COL4A4: variants seen among roughly 807,000 people sequenced by gnomAD.
COL4A4 encodes the protein collagen alpha-4(IV) chain.
Under a neutral mutation model 192.9 loss-of-function variants are expected in COL4A4, and 105 were observed. The observed-to-expected ratio is 0.54, with a 90% CI of 0.46 to 0.64. COL4A4 has a LOEUF of 0.64. COL4A4 is among the 30% of genes least tolerant of loss of function. The probability of loss-of-function intolerance (pLI) is 0.00; values close to 1 mark genes in which losing one functional copy is unlikely to be tolerated. For missense variants in COL4A4, 1,967 were observed against 2,169.3 expected (o/e 0.91, Z 1.85); for synonymous variants, 762 against 769.9 (o/e 0.99, Z 0.17).
At chr2:227,029,939 C>G (rs896505418) in intron 41 of COL4A4, among the ~76,000 whole-genome samples, 3 of 152,150 alleles carry the variant, frequency 2.0e-5, no homozygotes, top group African/African-American at 7.2e-5. Context: ...GCCAGTCCAA[C>G]CTGAGCTGTG....
At chr2:227,077,740 A>T (rs2059109421) in intron 25 of COL4A4, among the ~76,000 whole-genome samples, 154 bp downstream of exon 25, 1 of 151,818 alleles carries the variant, frequency 6.6e-6, no homozygotes, top group Admixed American at 6.6e-5. Context: ...GGGTCTAGGG[A>T]TACAAAAATC....
At chr2:227,098,645 T>C (rs1372933514) in intron 19 of COL4A4, 49 bp downstream of exon 19, 1 of 1,386,094 alleles carries the variant, frequency 7.2e-7, no homozygotes, top group Admixed American at 1.7e-5. Context: ...CTGATGATGA[T>C]GCAGGAAATC....
At position 227,094,237 on chromosome 2, in the gene COL4A4, T is replaced by A; in HGVS notation, c.1257A>T (p.Pro419=). ...PQGFPGLPGL[P]GEAGIPGRPD... ...GTCTCCCAGGAATACCAGCTTCTCC[T>A]GGAAGCCCAGGAAGACCAGGAAATC... The change falls in exon 20 of 48, where the codon CCA becomes CCT. Residue 419 remains proline (P), a synonymous_variant. Transcript: ENST00000396625. 1 of 1,613,852 alleles carries A rather than the reference T, an allele frequency of 6.2e-7. No individual in the cohort carries two copies.
In COL4A4 at chr2:227,007,584, G is replaced by A. The variant is rs374167724; in HGVS notation, c.4814C>T (p.Thr1605Ile). ...CCCTCCTCCTTGGTCCCCAGCTCCT[G>A]TGTGCTACCCAGAAAACAAGAGAGA... Reference protein sequence around the residue: ...LWIGYSFLMHTGAGDQGGGQA... With the variant: ...LWIGYSFLMHIGAGDQGGGQA... Residue 1605 changes from threonine (T) to isoleucine (I), a missense_variant, in exon 48 of 48, where the codon ACA becomes ATA. By Grantham distance (89) the Thr-to-Ile change is moderately conservative. Transcript: ENST00000396625. 9 of 1,612,276 alleles carry A rather than the reference G, an allele frequency of 5.6e-6. No homozygotes were observed. The African/African-American group carries it at 1.2e-4, about 22-fold the overall frequency.
At chr2:227,099,923 G>T (rs1165002767) in intron 17 of COL4A4, among the ~76,000 whole-genome samples, 1 of 152,102 alleles carries the variant, frequency 6.6e-6, no homozygotes. Flanking sequence ...CAAAGGAAAA[G>T]AAATTTAACT....
intron 7 of COL4A4, 107 bp downstream of exon 7, chr2:227,118,538 C>T (rs1050200899): frequency 1.1e-6 from 1 of 881,746 alleles, no homozygotes; most frequent in Admixed American, 1.8e-5. Context: ...GTTGACAATG[C>T]TCCAGGCACA....
chr2:227,025,615 A>G (rs760512328), intron 43 of COL4A4, among the ~76,000 whole-genome samples, 187 bp downstream of exon 43: 30 of 152,210 alleles, frequency 2.0e-4, no homozygotes, highest in Non-Finnish European at 3.8e-4. Flanking sequence ...GAATGTTAGG[A>G]TGCTCTAATA....
At chr2:227,049,535 A>T (rs1297163499) in intron 34 of COL4A4, among the ~76,000 whole-genome samples, 1 of 152,192 alleles carries the variant, frequency 6.6e-6, no homozygotes, top group Non-Finnish European at 1.5e-5. Context: ...ATATTTTGCT[A>T]TAGTAAAAAA....
rs2058162551 is a variant in COL4A4 at position 227,064,327 on chromosome 2, CA to C, written c.1988-1730del. Among the ~76,000 whole-genome samples, 3 of 152,132 alleles carry C rather than the reference CA, an allele frequency of 2.0e-5. No homozygotes were observed. In the South Asian group the frequency reaches 6.2e-4, roughly 32 times the overall value. The stretch of plus-strand genomic sequence containing the variant: ...CAAAAAGAATTTCAGAGCTCAAAGA[CA>C]AGGCTTTTGAATTAACCCAATCAGA... On this transcript the variant is annotated intron_variant, in intron 25 of 47. Coordinates refer to ENST00000396625, the MANE Select transcript of COL4A4 (RefSeq NM_000092.5).
intron 22 of COL4A4, among the ~76,000 whole-genome samples, chr2:227,087,703 G>T (rs892005393): frequency 6.6e-6 from 1 of 152,092 alleles, no homozygotes; most frequent in Non-Finnish European, 1.5e-5. Flanking sequence ...TATCCATATG[G>T]TCTATGCTCC....
chr2:227,057,668 T>C, intron 28 of COL4A4, 68 bp from the exon 29 acceptor site: 2 of 1,500,750 alleles, frequency 1.3e-6, no homozygotes, highest in Non-Finnish European at 1.8e-6. Context: ...TGATGAATTG[T>C]TCACGCATAT....
At chr2:227,015,797 A>G (rs1964734438) in intron 44 of COL4A4, among the ~76,000 whole-genome samples, 1 of 152,238 alleles carries the variant, frequency 6.6e-6, no homozygotes, top group Non-Finnish European at 1.5e-5. Flanking sequence ...AAAATACGCA[A>G]TGACATAGAA....
chr2:227,064,371 T>C (rs1252253838), intron 25 of COL4A4, among the ~76,000 whole-genome samples: 1 of 151,664 alleles, frequency 6.6e-6, no homozygotes, highest in Non-Finnish European at 1.5e-5. Context: ...AAGAAAAAAA[T>C]GAACAAAGAC....
Position 227,103,193 on chromosome 2 carries a change from A to G in COL4A4, c.821T>C (p.Ile274Thr). The G allele has an allele frequency of 6.2e-7, 1 of 1,612,024 alleles. No homozygotes were observed. The highest frequency in any genetic ancestry group is 8.5e-7 in the Non-Finnish European group (1 of 1,178,546). Reference protein sequence around the residue: ...DFCLYKGEKGIKGIPGMVGLP... With the variant: ...DFCLYKGEKGTKGIPGMVGLP... Reference sequence around the variant, plus strand: ...TCCAACCATTCCAGGAATTCCTTTTATACCCTAAAAATTACAATGAATATA... The same window carrying G: ...TCCAACCATTCCAGGAATTCCTTTTGTACCCTAAAAATTACAATGAATATA... The change falls in exon 14 of 48, where the codon ATA becomes ACA. Residue 274 changes from isoleucine to threonine, a missense_variant. Ile to Thr is a moderately conservative substitution (Grantham distance 89, BLOSUM62 -1). Coordinates refer to ENST00000396625, the MANE Select transcript of COL4A4 (RefSeq NM_000092.5).
chr2:227,149,457 A>C (rs12694717), intron 1 of COL4A4, among the ~76,000 whole-genome samples: 72,628 of 151,978 alleles, frequency 0.48, 18,433 homozygotes, highest in African/African-American at 0.66. Flanking sequence ...TCACTAGAGA[A>C]AGAAACTAAA....
chr2:227,159,222 C>T (rs80223564), intron 1 of COL4A4, among the ~76,000 whole-genome samples: 6,916 of 152,168 alleles, frequency 0.045, 216 homozygotes, highest in Admixed American at 0.086. Flanking sequence ...ATAGTATACA[C>T]GGTATAATTC....
intron 8 of COL4A4, among the ~76,000 whole-genome samples, chr2:227,112,638 A>G (rs991911129): frequency 6.6e-6 from 1 of 152,148 alleles, no homozygotes; most frequent in Non-Finnish European, 1.5e-5. Context: ...GTACATTCAC[A>G]TTGTTATTCA....
At chr2:227,144,933 C>G (rs2063448236) in intron 2 of COL4A4, among the ~76,000 whole-genome samples, 1 of 152,022 alleles carries the variant, frequency 6.6e-6, no homozygotes, top group Non-Finnish European at 1.5e-5. Flanking sequence ...TTGCTGAGAC[C>G]AGTGTATCCC....
rs2149924555 is a variant in COL4A4, at chr2:227,027,938, C to T, written c.4045G>A (p.Gly1349Arg). 1 of 1,613,952 alleles carries T rather than the reference C, an allele frequency of 6.2e-7. No homozygotes were observed. The highest frequency in any genetic ancestry group is 8.5e-7 in the Non-Finnish European group (1 of 1,179,896). ...GTGGGCCCTTTTCTCCCTGGAGGTC[C>T]AGGTAAACCCTTCTCTCCAGGTGGC... Reference protein sequence around the residue: ...PGPPGEKGLPGPPGRKGPTGL... With the variant: ...PGPPGEKGLPRPPGRKGPTGL... Residue 1349 changes from glycine to arginine, a missense_variant, in exon 42 of 48, where the codon GGA (glycine) becomes AGA (arginine). Coordinates refer to ENST00000396625, the MANE Select transcript of COL4A4 (RefSeq NM_000092.5).
Sources: allele counts gnomAD v4.1 joint callset (sites outside exome capture counted in the v4.1 genomes callset), GRCh38; gene constraint gnomAD v4.1.1; transcripts MANE v1.5; gene names NCBI Gene and HGNC (gene_info 2026-07-23, HGNC 2026-07-21).